The following PCDH11X variants were observed in gnomAD, a reference collection of about 807,000 sequenced individuals.
The protein encoded by PCDH11X is protocadherin 11 X-linked.
In PCDH11X, 18 loss-of-function variants were observed where a neutral mutation model predicts 53.3. The ratio of observed to expected loss-of-function variants is 0.34; its 90% CI spans 0.23 to 0.50. The LOEUF (loss-of-function observed/expected upper bound fraction) is 0.50. Ranked by LOEUF, PCDH11X falls within the 20% of genes least tolerant of loss-of-function variation. PCDH11X has a pLI of 0.98. For synonymous variants in PCDH11X, 279 were observed against 393.3 expected, an observed-to-expected ratio of 0.71 and a Z score of 3.44; for missense variants, 570 against 1,032.4, an observed-to-expected ratio of 0.55 and a Z score of 6.14.
chrX:92,094,764 C>A (rs909586673), intron 6 of PCDH11X, among the ~76,000 whole-genome samples: 1 of 111,389 alleles, frequency 9.0e-6, no homozygotes, highest in African/African-American at 3.3e-5. Context: ...ATCATGAATA[C>A]CTTCTGGCTT....
intron 6 of PCDH11X, among the ~76,000 whole-genome samples, chrX:91,950,118 C>A (rs902701916): frequency 1.8e-5 from 2 of 110,033 alleles, no homozygotes; most frequent in African/African-American, 6.6e-5. Flanking sequence ...TCAAATCATG[C>A]AATATTTGTA....
intron 6 of PCDH11X, among the ~76,000 whole-genome samples, chrX:92,084,974 G>GAA (rs11354572): frequency 9.6e-5 from 10 of 103,888 alleles, no homozygotes; most frequent in Admixed American, 2.1e-4. Flanking sequence ...AAAACTATTG[G>GAA]AAAAAAAAAA....
intron 8 of PCDH11X, among the ~76,000 whole-genome samples, chrX:92,382,733 T>C (rs1391750290): frequency 9.0e-6 from 1 of 111,352 alleles, no homozygotes; most frequent in African/African-American, 3.3e-5. Flanking sequence ...AGAAAATAAC[T>C]AGCTTTTCAG....
intron 10 of PCDH11X, among the ~76,000 whole-genome samples, chrX:92,582,445 C>T (rs1436496496): frequency 4.5e-5 from 5 of 109,891 alleles, no homozygotes; most frequent in Admixed American, 1.9e-4. Flanking sequence ...GCAGCTTCCA[C>T]GTGGTGTTGA....
At chrX:91,967,985 ATG>A (rs2061891492) in intron 6 of PCDH11X, among the ~76,000 whole-genome samples, 1 of 111,560 alleles carries the variant, frequency 9.0e-6, no homozygotes, top group Non-Finnish European at 1.9e-5. Flanking sequence ...ATAAAGGGTA[ATG>A]CCAGAACTTG....
chrX:92,140,563 T>C (rs989355885), intron 6 of PCDH11X, among the ~76,000 whole-genome samples: 1 of 111,902 alleles, frequency 8.9e-6, no homozygotes, highest in African/African-American at 3.2e-5. Context: ...TTTTCCTAAC[T>C]TTGAAGTAAA....
chrX:92,541,753 C>A (rs1291528579), intron 10 of PCDH11X, among the ~76,000 whole-genome samples: 4 of 107,116 alleles, frequency 3.7e-5, no homozygotes, highest in Non-Finnish European at 7.7e-5. Flanking sequence ...AAAAGGAGTT[C>A]GAGACCAGCT....
intron 10 of PCDH11X, among the ~76,000 whole-genome samples, chrX:92,484,181 G>A (rs189078534): frequency 2.2e-3 from 49 of 22,743 alleles, no homozygotes; most frequent in Admixed American, 3.2e-3. Context: ...ATATATGTAT[G>A]TATATATATG....
chrX:92,105,713 C>G (rs2064369642), intron 6 of PCDH11X, among the ~76,000 whole-genome samples: 1 of 108,833 alleles, frequency 9.2e-6, no homozygotes, highest in Non-Finnish European at 1.9e-5. Context: ...CAGGATGAGC[C>G]AGGAAAAGGA....
intron 6 of PCDH11X, among the ~76,000 whole-genome samples, chrX:92,198,340 G>A (rs2066327755): frequency 2.1e-5 from 2 of 96,452 alleles, no homozygotes; most frequent in African/African-American, 7.4e-5. Context: ...GATTCTGGGA[G>A]GTTGAGGCTG....
intron 8 of PCDH11X, among the ~76,000 whole-genome samples, chrX:92,305,041 C>A: frequency 9.0e-6 from 1 of 111,429 alleles, no homozygotes; most frequent in South Asian, 3.8e-4. Flanking sequence ...GTTACACTCA[C>A]ATCTGTCTAC....
In PCDH11X at chrX:92,622,973, TATTAAG is replaced by T. The variant is rs910781669; in HGVS notation, c.*4037_*4042del. 1 of 110,932 alleles carries T rather than the reference TATTAAG, an allele frequency of 9.0e-6. No homozygotes were observed. The highest frequency in any genetic ancestry group is 3.3e-5 in the African/African-American group (1 of 30,504). The allele number at this position is 110,932 out of a possible 1,213,427, so 9.1% of individuals were successfully genotyped here. A position where few individuals can be genotyped will look rare whatever the true frequency, so the allele number is the denominator to read the frequency against. ...AAATTTATACTATCCCTGCTTAAAA[TATTAAG>T]ATTTTTATGAAATATGTATTTATGT... On this transcript the variant is annotated 3_prime_UTR_variant, in exon 11 of 11. Transcript: ENST00000682573.
intron 8 of PCDH11X, among the ~76,000 whole-genome samples, chrX:92,340,709 T>A (rs2069735641): frequency 8.9e-6 from 1 of 112,081 alleles, no homozygotes; most frequent in Non-Finnish European, 1.9e-5. Context: ...AAACCATTCT[T>A]TCCCCCTAGG....
chrX:91,881,115 C>A (rs1403721977), intron 6 of PCDH11X, among the ~76,000 whole-genome samples: 1 of 109,898 alleles, frequency 9.1e-6, no homozygotes, highest in African/African-American at 3.3e-5. Context: ...ATTTTATGAG[C>A]TAGACTGATT....
chrX:91,995,410 G>A (rs2062399180), intron 6 of PCDH11X, among the ~76,000 whole-genome samples: 1 of 111,026 alleles, frequency 9.0e-6, no homozygotes, highest in Admixed American at 9.6e-5. Flanking sequence ...TGGATATCCA[G>A]TTTTCCCAGT....
At chrX:92,059,256 A>T (rs2063493352) in intron 6 of PCDH11X, among the ~76,000 whole-genome samples, 1 of 110,483 alleles carries the variant, frequency 9.1e-6, no homozygotes, top group Non-Finnish European at 1.9e-5. Flanking sequence ...AAACCTAACT[A>T]TAATAATGAT....
At chrX:92,370,693 C>T (rs1041913638) in intron 8 of PCDH11X, among the ~76,000 whole-genome samples, 4 of 110,620 alleles carry the variant, frequency 3.6e-5, no homozygotes, top group Admixed American at 9.6e-5. Flanking sequence ...CTCTTGACCT[C>T]GTGATCCGCC....
chrX:92,257,031 G>A (rs1280903338), intron 7 of PCDH11X, among the ~76,000 whole-genome samples: 1 of 111,645 alleles, frequency 9.0e-6, no homozygotes, highest in African/African-American at 3.3e-5. Context: ...TTGGCTCATG[G>A]TTCTGCCAAT....
intron 6 of PCDH11X, among the ~76,000 whole-genome samples, chrX:91,970,302 C>G (rs2061938700): frequency 9.0e-6 from 1 of 111,412 alleles, no homozygotes; most frequent in Admixed American, 9.6e-5. Flanking sequence ...CTTTTATTCC[C>G]TTATTTGGCC....
Sources: gnomAD v4.1 joint callset for allele counts (sites outside exome capture counted in the v4.1 genomes callset) on GRCh38, gnomAD v4.1.1 for gene constraint, MANE v1.5 for transcripts, NCBI Gene and HGNC (gene_info 2026-07-23, HGNC 2026-07-21) for gene names.